Variants in KCNN2 observed in about 807,000 individuals in gnomAD.
The protein encoded by KCNN2 is small conductance calcium-activated potassium channel protein 2.
Under a neutral mutation model 55.5 loss-of-function variants are expected in KCNN2, and 24 were observed. That is an observed-to-expected ratio of 0.43 (90% confidence interval 0.31 to 0.61). The LOEUF (loss-of-function observed/expected upper bound fraction) is 0.61. KCNN2 is among the 20% of genes least tolerant of loss of function. The pLI is 0.08. For missense variants in KCNN2, 754 were observed against 853.6 expected (o/e 0.88, Z 1.45); for synonymous variants, 431 against 336.1 (o/e 1.28, Z -3.09).
At chr5:114,442,866 G>A (rs892605684) in intron 3 of KCNN2, among the ~76,000 whole-genome samples, 5 of 152,090 alleles carry the variant, frequency 3.3e-5, no homozygotes, top group African/African-American at 1.2e-4. Flanking sequence ...GGGAAAAGAG[G>A]ACACACAGTA....
At chr5:114,287,526 C>G (rs963619260) in intron 2 of KCNN2, among the ~76,000 whole-genome samples, 3 of 150,634 alleles carry the variant, frequency 2.0e-5, no homozygotes, top group Admixed American at 6.7e-5. Context: ...CATGTTCTCA[C>G]TGGTAAGTGG....
At chr5:114,338,169 C>G (rs1381670376) in intron 2 of KCNN2, among the ~76,000 whole-genome samples, 1 of 152,094 alleles carries the variant, frequency 6.6e-6, no homozygotes, top group Non-Finnish European at 1.5e-5. Context: ...TTTTATTTTT[C>G]AAGCCCAATT....
rs73782242 is a variant in KCNN2 at position 114,447,229 on chromosome 5, T to C, written c.1638-15820T>C. ...TGTGGCTACCAAGCTGGGCACATAGTAATTCTTAGCCTGATTGGTAGAATG... is the reference window on the plus strand; with the variant it reads ...TGTGGCTACCAAGCTGGGCACATAGCAATTCTTAGCCTGATTGGTAGAATG... On this transcript the variant is annotated intron_variant, in intron 3 of 7. Coordinates refer to ENST00000673685, the MANE Select transcript of KCNN2 (RefSeq NM_021614.4). 8.6e-3 allele frequency among the ~76,000 whole-genome samples: 1,316 copies of C among 152,328 alleles called. 10 individuals carry two copies. The highest frequency in any genetic ancestry group is 0.03 in the African/African-American group (1,253 of 41,578).
In KCNN2 at chr5:114,104,908, G is replaced by T. The variant is rs142317949; in HGVS notation, c.-271+48408G>T. ...ATAAAGAGAGAGGATTGTGCTCAGG[G>T]AGTAGAAATAGTTGTGTCGCAGGAG... On this transcript the variant is annotated intron_variant, in intron 1 of 10. Coordinates refer to the KCNN2 transcript ENST00000512097. Among the ~76,000 whole-genome samples, 472 of 152,112 alleles carry T rather than the reference G, an allele frequency of 3.1e-3. 2 individuals carry two copies. Among genetic ancestry groups the T allele is most frequent in the African/African-American group, 0.011 (450 of 41,538 alleles).
At chr5:114,338,186 G>A (rs1483018978) in intron 2 of KCNN2, among the ~76,000 whole-genome samples, 1 of 152,106 alleles carries the variant, frequency 6.6e-6, no homozygotes, top group Non-Finnish European at 1.5e-5. Context: ...AATTTGGTAG[G>A]TGAATACAAA....
At chr5:114,330,506 C>T (rs1756797534) in intron 2 of KCNN2, among the ~76,000 whole-genome samples, 1 of 152,200 alleles carries the variant, frequency 6.6e-6, no homozygotes, top group Non-Finnish European at 1.5e-5. Context: ...AAAATGGCTT[C>T]TATGATCATA....
intron 1 of KCNN2, among the ~76,000 whole-genome samples, chr5:114,156,368 CT>C (rs1292972521): frequency 2.0e-5 from 3 of 152,088 alleles, no homozygotes; most frequent in African/African-American, 7.2e-5. Flanking sequence ...TATATGGGCT[CT>C]TTTTTGGTTC....
chr5:114,347,795 T>C (rs1157367115), intron 2 of KCNN2, among the ~76,000 whole-genome samples: 1 of 151,942 alleles, frequency 6.6e-6, no homozygotes, highest in African/African-American at 2.4e-5. Context: ...TAATGGGAAA[T>C]AGTCAGGGAT....
chr5:114,127,066 G>A (rs1383632870), intron 1 of KCNN2, among the ~76,000 whole-genome samples: 1 of 152,190 alleles, frequency 6.6e-6, no homozygotes, highest in Non-Finnish European at 1.5e-5. Flanking sequence ...GCAGGGTACA[G>A]CCTCCCTTCC....
At chr5:114,098,929 A>T (rs1253069008) in intron 1 of KCNN2, among the ~76,000 whole-genome samples, 4 of 152,248 alleles carry the variant, frequency 2.6e-5, no homozygotes, top group African/African-American at 9.6e-5. Flanking sequence ...ACTGGGAACC[A>T]AGTACTCCAC....
At chr5:114,221,184 C>T (rs1336045152) in intron 1 of KCNN2, among the ~76,000 whole-genome samples, 1 of 152,170 alleles carries the variant, frequency 6.6e-6, no homozygotes, top group Non-Finnish European at 1.5e-5. Context: ...CCCCCACTTG[C>T]TTGCTTAGCT....
At chr5:114,161,299 T>A (rs2112531096) in intron 1 of KCNN2, among the ~76,000 whole-genome samples, 1 of 151,612 alleles carries the variant, frequency 6.6e-6, no homozygotes, top group African/African-American at 2.4e-5. Flanking sequence ...GGGTTGAAAA[T>A]TCTTTTCTTT....
rs774679757 is a variant in KCNN2, at chr5:114,463,152, T to A, written c.1741T>A (p.Tyr581Asn). Residue 581 changes from tyrosine (Y) to asparagine (N), a missense_variant, in exon 4 of 8, where the codon TAC becomes AAC. Tyr to Asn is a moderately radical substitution (Grantham distance 143). Transcript: ENST00000673685. Reference protein sequence around the residue: ...IGYGDMVPNTYCGKGVCLLTG... With the variant: ...IGYGDMVPNTNCGKGVCLLTG... ...TTATGGTGACATGGTACCTAACACA[T>A]ACTGTGGAAAAGGAGTCTGCTTACT... 6.2e-7 allele frequency: 1 copy of A among 1,613,436 alleles called. No individual in the cohort carries two copies. Among genetic ancestry groups the A allele is most frequent in the Non-Finnish European group, 8.5e-7 (1 of 1,179,558 alleles).
At chr5:114,310,103 T>G (rs190874853) in intron 2 of KCNN2, among the ~76,000 whole-genome samples, 1 of 152,342 alleles carries the variant, frequency 6.6e-6, no homozygotes, top group East Asian at 1.9e-4. Context: ...CATATCATAG[T>G]GCAAATTTTA....
chr5:114,404,914 G>C, intron 3 of KCNN2, 58 bp downstream of exon 3: 1 of 1,435,920 alleles, frequency 7.0e-7, no homozygotes, highest in Non-Finnish European at 9.3e-7. Flanking sequence ...TCACAAGTAA[G>C]AAAAAAAAAA....
intron 1 of KCNN2, among the ~76,000 whole-genome samples, chr5:114,184,920 C>T (rs1404963058): frequency 4.6e-5 from 7 of 152,222 alleles, no homozygotes; most frequent in Non-Finnish European, 5.9e-5. Context: ...TCATTTAAAG[C>T]GTAATCATTT....
At chr5:114,366,486 T>C (rs1321751719) in intron 2 of KCNN2, among the ~76,000 whole-genome samples, 1 of 152,162 alleles carries the variant, frequency 6.6e-6, no homozygotes, top group Non-Finnish European at 1.5e-5. Flanking sequence ...CAAATTCTTA[T>C]CTGAGATGCT....
At chr5:114,134,665 C>T (rs1320891367) in intron 1 of KCNN2, among the ~76,000 whole-genome samples, 4 of 151,804 alleles carry the variant, frequency 2.6e-5, no homozygotes, top group East Asian at 1.9e-4. Context: ...TTGGTAGAGA[C>T]GGAGTTTCAC....
intron 1 of KCNN2, among the ~76,000 whole-genome samples, chr5:114,103,254 G>A (rs1436122152): frequency 2.0e-5 from 3 of 152,082 alleles, no homozygotes; most frequent in African/African-American, 7.2e-5. Flanking sequence ...TCGTATATAG[G>A]AATGCTTGTG....
Sources: gnomAD v4.1 joint callset for allele counts (sites outside exome capture counted in the v4.1 genomes callset) on GRCh38, gnomAD v4.1.1 for gene constraint, MANE v1.5 for transcripts, NCBI Gene and HGNC (gene_info 2026-07-23, HGNC 2026-07-21) for gene names.